The following MRPL30 variants were observed in gnomAD, a reference collection of about 807,000 sequenced individuals.
MRPL30 encodes the protein mitochondrial ribosomal protein L30, also known as large ribosomal subunit protein uL30m.
A neutral mutation model predicts 17.2 loss-of-function variants in MRPL30; 10 were observed. The ratio of observed to expected loss-of-function variants is 0.58; its 90% CI spans 0.36 to 0.99. The LOEUF (loss-of-function observed/expected upper bound fraction) is 0.99, where lower values mean the gene tolerates loss of function less well. Ranked by LOEUF, MRPL30 falls within the 50% of genes least tolerant of loss-of-function variation. MRPL30 has a pLI of 0.01. For missense variants in MRPL30, 170 were observed against 189.8 expected (o/e 0.90, Z 0.61); for synonymous variants, 61 against 62.1 (o/e 0.98, Z 0.08).
intron 3 of MRPL30, among the ~76,000 whole-genome samples, chr2:99,191,960 C>G (rs749075972): frequency 6.6e-6 from 1 of 152,002 alleles, no homozygotes; most frequent in Non-Finnish European, 1.5e-5. Flanking sequence ...TGCACCTACC[C>G]CTTCCTCTGA....
intron 3 of MRPL30, among the ~76,000 whole-genome samples, chr2:99,188,690 G>A (rs1202655386): frequency 1.3e-5 from 2 of 151,874 alleles, no homozygotes; most frequent in African/African-American, 2.4e-5. Flanking sequence ...GACTAAGCCC[G>A]CCATTGATTT....
At chr2:99,183,495 G>A (rs2105240935) in intron 1 of MRPL30, among the ~76,000 whole-genome samples, 1 of 152,082 alleles carries the variant, frequency 6.6e-6, no homozygotes, top group Non-Finnish European at 1.5e-5. Flanking sequence ...GTTGAACCCA[G>A]GAGGCGGAGG....
At position 99,197,671 on chromosome 2, in the gene MRPL30, C is replaced by T. The variant is rs1295974876; in HGVS notation, c.*1966C>T. Reference sequence around the variant, plus strand: ...TTTTTTTTCTTTAGAGACAGGGTCTCACTCTGTCGCCCAGCCTGGAGGGCA... The same window carrying T: ...TTTTTTTTCTTTAGAGACAGGGTCTTACTCTGTCGCCCAGCCTGGAGGGCA... On this transcript the variant is annotated 3_prime_UTR_variant, in exon 6 of 6. Coordinates refer to ENST00000338148, the MANE Select transcript of MRPL30 (RefSeq NM_145212.4). The T allele has an allele frequency of 1.3e-5, 2 of 152,236 alleles. No homozygotes were observed. The highest frequency in any genetic ancestry group is 4.8e-5 in the African/African-American group (2 of 41,414). The allele number at this position is 152,236 out of a possible 1,614,324, so 9.4% of individuals were successfully genotyped here.
chr2:99,198,408 T>G lies in MRPL30; in HGVS notation c.*2703T>G, dbSNP rs905498005. On this transcript the variant is annotated 3_prime_UTR_variant, in exon 6 of 6. Transcript: ENST00000338148. ...TATGGCTGTAGGATTCATGGCAAGT[T>G]GCTTCTTCCAAAACCAGCATTGGAG... Among the ~76,000 whole-genome samples the G allele has an allele frequency of 2.6e-5, 4 of 152,196 alleles. No individual in the cohort carries two copies. The highest frequency in any genetic ancestry group is 9.6e-5 in the African/African-American group (4 of 41,452).
At chr2:99,189,201 A>T (rs562801519) in intron 3 of MRPL30, among the ~76,000 whole-genome samples, 1 of 152,184 alleles carries the variant, frequency 6.6e-6, no homozygotes, top group East Asian at 1.9e-4. Flanking sequence ...GTGAAGTTCT[A>T]TGGGTTTTGA....
chr2:99,182,418 C>CCGGG (rs1284098714), intron 1 of MRPL30, among the ~76,000 whole-genome samples: 1 of 152,074 alleles, frequency 6.6e-6, no homozygotes, highest in African/African-American at 2.4e-5. Context: ...AGCCGGGCGT[C>CCGGG]CGGGCGGGCG....
rs2093958151 is a variant in MRPL30 at position 99,198,196 on chromosome 2, C to T, written c.*2491C>T. ...GAACAAATTACCACAAACTTAGCTG[C>T]TTAAAACAACACACACTTATTGTCT... is the stretch of plus-strand genomic sequence containing the variant. On this transcript the variant is annotated 3_prime_UTR_variant, in exon 6 of 6. Coordinates refer to ENST00000338148, the MANE Select transcript of MRPL30 (RefSeq NM_145212.4). 6.6e-6 allele frequency among the ~76,000 whole-genome samples: 1 copy of T among 152,224 alleles called. No homozygotes were observed. Among genetic ancestry groups the T allele is most frequent in the Admixed American group, 6.5e-5 (1 of 15,276 alleles).
chr2:99,190,144 A>G (rs1209385936), intron 3 of MRPL30, among the ~76,000 whole-genome samples: 1 of 151,666 alleles, frequency 6.6e-6, no homozygotes, highest in Non-Finnish European at 1.5e-5. Context: ...TAATAATAGT[A>G]ACTCCCCATT....
Position 99,188,948 on chromosome 2 carries a change from G to A in MRPL30, c.132+691G>A, listed in dbSNP as rs555774534. Among the ~76,000 whole-genome samples the A allele has an allele frequency of 2.4e-4, 36 of 152,282 alleles. No individual in the cohort carries two copies. In the South Asian group the frequency reaches 6.8e-3, roughly 29 times the overall value. ...ACTACTGATCTCAAGTGATCCACCC[G>A]CCTTGGCCTCCCAAAGTGCTGGGAT... On this transcript the variant is annotated intron_variant, in intron 3 of 5. Coordinates refer to ENST00000338148, the MANE Select transcript of MRPL30 (RefSeq NM_145212.4).
Position 99,186,304 on chromosome 2 carries a change from T to C in MRPL30, c.51+50T>C, listed in dbSNP as rs2093933970. 6 of 1,539,140 alleles carry C rather than the reference T, an allele frequency of 3.9e-6. No homozygotes were observed. In the East Asian group the frequency reaches 1.3e-4, roughly 35 times the overall value. On this transcript the variant is annotated intron_variant, in intron 2 of 5. Coordinates refer to ENST00000338148, the MANE Select transcript of MRPL30 (RefSeq NM_145212.4). ...GTCTTTTCTACCCCTTATGAATTTT[T>C]TTTTTAATCATTACAAGGCAAGCTA...
chr2:99,195,074 C>T (rs748482256), intron 4 of MRPL30, 42 bp from the exon 5 acceptor site: 2 of 1,502,584 alleles, frequency 1.3e-6, no homozygotes, highest in Non-Finnish European at 9.0e-7. Flanking sequence ...GAACTATCTG[C>T]TTTTCAGATT....
intron 1 of MRPL30, among the ~76,000 whole-genome samples, chr2:99,183,775 C>T (rs545103267): frequency 5.3e-5 from 8 of 152,130 alleles, no homozygotes; most frequent in East Asian, 1.9e-4. Flanking sequence ...AATATTGATA[C>T]GTTATTAAAG....
In MRPL30 at chr2:99,198,821, C is replaced by A. The variant is rs2093959070; in HGVS notation, c.*3116C>A. 6.6e-6 allele frequency among the ~76,000 whole-genome samples: 1 copy of A among 152,166 alleles called. No homozygotes were observed. Among genetic ancestry groups the A allele is most frequent in the South Asian group, 2.1e-4 (1 of 4,838 alleles). On this transcript the variant is annotated 3_prime_UTR_variant, in exon 6 of 6. Transcript: ENST00000338148. ...CCTTCTTTCAGGAGGTTTTGCCTGA[C>A]ATCTGGTGGTGACCGTGGCCACCAA... is the stretch of plus-strand genomic sequence containing the variant.
chr2:99,184,112 T>G (rs1169840045), intron 1 of MRPL30, among the ~76,000 whole-genome samples: 2 of 152,198 alleles, frequency 1.3e-5, no homozygotes, highest in Non-Finnish European at 2.9e-5. Context: ...TGGTTTGGAT[T>G]ATAAGCCAGT....
Position 99,195,767 on chromosome 2 carries a change from G to T in MRPL30, c.*62G>T. 6.2e-7 allele frequency: 1 copy of T among 1,603,494 alleles called. No individual in the cohort carries two copies. The highest frequency in any genetic ancestry group is 8.5e-7 in the Non-Finnish European group (1 of 1,177,272). On this transcript the variant is annotated 3_prime_UTR_variant, in exon 6 of 6. Transcript: ENST00000338148. ...TTTTATTTAAAGATGGTGAGAAAGT[G>T]TTTTCATTAAAATATGTTTTCAAAA...
chr2:99,195,652 TTAG>T lies in MRPL30; in HGVS notation c.438_440del (p.Val147del). The T allele has an allele frequency of 2.5e-6, 4 of 1,612,892 alleles. No individual in the cohort carries two copies. Among genetic ancestry groups the T allele is most frequent in the South Asian group, 1.1e-5 (1 of 90,944 alleles). On this transcript the variant is annotated inframe_deletion, in exon 6 of 6. Coordinates refer to ENST00000338148, the MANE Select transcript of MRPL30 (RefSeq NM_145212.4). ...CACGTGCCTCAAAAGCACTGGGGAG[TTAG>T]TAGTGCAGTGGCATCTGAAACCTGT...
At chr2:99,194,693 A>G (rs2093952169) in intron 3 of MRPL30, 58 bp from the exon 4 acceptor site, 1 of 1,462,590 alleles carries the variant, frequency 6.8e-7, no homozygotes, top group Non-Finnish European at 9.3e-7. Context: ...AAAAAATGGG[A>G]GGTACACAGA....
rs751744932 is a variant in MRPL30 at position 99,191,009 on chromosome 2, CTTTT to C, written c.132+2764_132+2767del. On this transcript the variant is annotated intron_variant, in intron 3 of 5. Transcript: ENST00000338148. Reference sequence around the variant, plus strand: ...CCTCATGAAAATAGCCCCTGACTATCTTTTTTTTTTTTTTTGGAGACGGAGTCTC... The same window carrying C: ...CCTCATGAAAATAGCCCCTGACTATCTTTTTTTTTTTGGAGACGGAGTCTC... Among the ~76,000 whole-genome samples the C allele has an allele frequency of 2.1e-5, 3 of 143,958 alleles. No individual in the cohort carries two copies. The South Asian group carries it at 6.6e-4, about 32-fold the overall frequency. 94.4% of individuals were successfully genotyped at this position (143,958 alleles called of 152,430 possible).
At position 99,197,721 on chromosome 2, in the gene MRPL30, A is replaced by G; in HGVS notation, c.*2016A>G. Reference sequence around the variant, plus strand: ...AGTGGTGTGATCGTAGCTCACTATTACCTCCAACTCTTGGGCTCAAGTGAT... The same window carrying G: ...AGTGGTGTGATCGTAGCTCACTATTGCCTCCAACTCTTGGGCTCAAGTGAT... On this transcript the variant is annotated 3_prime_UTR_variant, in exon 6 of 6. Transcript: ENST00000338148. 6.5e-6 allele frequency: 1 copy of G among 154,378 alleles called. No homozygotes were observed. The highest frequency in any genetic ancestry group is 1.9e-4 in the East Asian group (1 of 5,286). The allele number at this position is 154,378 out of a possible 1,614,324, so 9.6% of individuals were successfully genotyped here. A position where few individuals can be genotyped will look rare whatever the true frequency, so the allele number is the denominator to read the frequency against.
Sources: gnomAD v4.1 joint callset for allele counts (sites outside exome capture counted in the v4.1 genomes callset) on GRCh38, gnomAD v4.1.1 for gene constraint, MANE v1.5 for transcripts, NCBI Gene and HGNC (gene_info 2026-07-23, HGNC 2026-07-21) for gene names.